The following DLGAP3 variants were observed in gnomAD, a reference collection of about 807,000 sequenced individuals.
DLGAP3 encodes disks large-associated protein 3.
A neutral mutation model predicts 81.2 loss-of-function variants in DLGAP3; 17 were observed. The ratio of observed to expected loss-of-function variants is 0.21; its 90% CI spans 0.14 to 0.31. The LOEUF (loss-of-function observed/expected upper bound fraction) is 0.31. Ranked by LOEUF, DLGAP3 falls within the 10% of genes least tolerant of loss-of-function variation. DLGAP3 has a pLI of 1.00. For missense variants in DLGAP3, 1,124 were observed against 1,388.0 expected, an observed-to-expected ratio of 0.81 and a Z score of 3.02; for synonymous variants, 577 against 587.4, an observed-to-expected ratio of 0.98 and a Z score of 0.26.
chr1:34,878,663 C>A (rs1177701807), intron 8 of DLGAP3, among the ~76,000 whole-genome samples: 1 of 152,114 alleles, frequency 6.6e-6, no homozygotes, highest in African/African-American at 2.4e-5. Flanking sequence ...ACTGATAGAT[C>A]AAATGTACAA....
Position 34,867,893 on chromosome 1 carries a change from C to T in DLGAP3, c.2486-266G>A, listed in dbSNP as rs1638910596. 6.6e-6 allele frequency among the ~76,000 whole-genome samples: 1 copy of T among 152,156 alleles called. No homozygotes were observed. Among genetic ancestry groups the T allele is most frequent in the African/African-American group, 2.4e-5 (1 of 41,414 alleles). The stretch of plus-strand genomic sequence containing the variant: ...CATCCTTCTTTATCCTTTCTCCCTC[C>T]CGTATCAGAGAACAGACGGAAACCA... On this transcript the variant is annotated intron_variant, in intron 9 of 11. Transcript: ENST00000373347. The surrounding 1 kb of genome is among the most constrained non-coding windows in gnomAD (Gnocchi z 4.3).
Position 34,920,568 on chromosome 1 carries a change from C to T in DLGAP3, c.-135+8883G>A, listed in dbSNP as rs188789189. Among the ~76,000 whole-genome samples the T allele has an allele frequency of 4.0e-3, 616 of 152,302 alleles. 1 individual carries two copies. Among genetic ancestry groups the T allele is most frequent in the Middle Eastern group, 0.01 (3 of 294 alleles). The stretch of plus-strand genomic sequence containing the variant: ...ATGCATGTGTTTGTACATTGTGTCT[C>T]TTTTTCTCCACTCCCACTGCTGGTG... On this transcript the variant is annotated intron_variant, in intron 1 of 11. Coordinates refer to ENST00000373347, the MANE Select transcript of DLGAP3 (RefSeq NM_001080418.3).
At chr1:34,901,590 A>T (rs1639460920) in intron 3 of DLGAP3, among the ~76,000 whole-genome samples, 1 of 152,236 alleles carries the variant, frequency 6.6e-6, no homozygotes, top group Non-Finnish European at 1.5e-5. Flanking sequence ...GGTTGGTGGC[A>T]AAGATAAATG....
chr1:34,865,926 A>G lies in DLGAP3; in HGVS notation c.*157T>C. 1.4e-6 allele frequency: 1 copy of G among 739,468 alleles called. No individual in the cohort carries two copies. Among genetic ancestry groups the G allele is most frequent in the Admixed American group, 2.2e-5 (1 of 44,992 alleles). 45.8% of individuals were successfully genotyped at this position (739,468 alleles called of 1,614,324 possible). On this transcript the variant is annotated 3_prime_UTR_variant, in exon 12 of 12. Coordinates refer to ENST00000373347, the MANE Select transcript of DLGAP3 (RefSeq NM_001080418.3). ...GCCTTCGCGTGGGATCAGGAAGGTA[A>G]AAAACCCACGAGAGTGTGACGGGCC...
chr1:34,919,574 T>C (rs1039531113), intron 1 of DLGAP3, among the ~76,000 whole-genome samples: 5 of 151,880 alleles, frequency 3.3e-5, no homozygotes, highest in African/African-American at 1.2e-4. Flanking sequence ...AGGTCAGGAG[T>C]TCGAGACCAG....
chr1:34,878,912 T>C (rs954459774), intron 8 of DLGAP3, among the ~76,000 whole-genome samples: 8 of 151,456 alleles, frequency 5.3e-5, no homozygotes, highest in Admixed American at 1.3e-4. Context: ...CTACTAAAAA[T>C]ACAAAAAAAA....
intron 1 of DLGAP3, among the ~76,000 whole-genome samples, chr1:34,911,023 C>CA (rs957247676): frequency 5.3e-4 from 4 of 7,612 alleles, no homozygotes; most frequent in Admixed American, 1.7e-3. Flanking sequence ...ATATTATCCA[C>CA]CCCCCCCCCA....
At position 34,902,165 on chromosome 1, in the gene DLGAP3, G is replaced by C. The variant is rs113268364; in HGVS notation, c.1108-1892C>G. ...AAGTGAAGACGTGGGGGAGAGGACT[G>C]GGGGAGGTAGGGAGGATTTAAAACA... On this transcript the variant is annotated intron_variant, in intron 3 of 11. Transcript: ENST00000373347. The surrounding 1 kb of genome is among the most constrained non-coding windows in gnomAD (Gnocchi z 4.4). 0.013 allele frequency among the ~76,000 whole-genome samples: 2,008 copies of C among 152,126 alleles called. 29 individuals carry two copies. Among genetic ancestry groups the C allele is most frequent in the Non-Finnish European group, 0.017 (1,163 of 67,982 alleles).
At chr1:34,893,491 G>C (rs985645935) in intron 5 of DLGAP3, among the ~76,000 whole-genome samples, 2 of 152,130 alleles carry the variant, frequency 1.3e-5, no homozygotes, top group Admixed American at 6.5e-5. Context: ...GTAAATACAA[G>C]AGCCTCTATA....
At chr1:34,908,039 T>C (rs1310151044) in intron 1 of DLGAP3, among the ~76,000 whole-genome samples, 2 of 152,262 alleles carry the variant, frequency 1.3e-5, no homozygotes, top group African/African-American at 4.8e-5. Context: ...ATCGGGCTTT[T>C]ATAACACCCT....
At chr1:34,883,121 A>G (rs1639169397) in intron 8 of DLGAP3, among the ~76,000 whole-genome samples, 1 of 152,074 alleles carries the variant, frequency 6.6e-6, no homozygotes, top group Non-Finnish European at 1.5e-5. Context: ...ACTACCTATT[A>G]TATCATAATG....
intron 8 of DLGAP3, among the ~76,000 whole-genome samples, chr1:34,883,001 A>G (rs1371277416): frequency 3.9e-5 from 6 of 152,184 alleles, no homozygotes; most frequent in Non-Finnish European, 8.8e-5. Context: ...TTCTTAGTCA[A>G]TCCTCAAGTC....
In DLGAP3 at chr1:34,866,345, CCAA is replaced by C. The variant is rs1006984558; in HGVS notation, c.2722-47_2722-45del. ...CGCTGAGCTGGGGCGCCGAACCATC[CCAA>C]CACCCAGGTGTCCGCCCCCGCACCC... On this transcript the variant is annotated intron_variant, in intron 11 of 11. Coordinates refer to ENST00000373347, the MANE Select transcript of DLGAP3 (RefSeq NM_001080418.3). The C allele has an allele frequency of 1.2e-5, 17 of 1,441,878 alleles. No individual in the cohort carries two copies. In the Admixed American group the frequency reaches 3.0e-4, roughly 26 times the overall value. The allele number at this position is 1,441,878 out of a possible 1,614,324, so 89.3% of individuals were successfully genotyped here. A position where few individuals can be genotyped will look rare whatever the true frequency, so the allele number is the denominator to read the frequency against.
chr1:34,928,731 G>GCACACA (rs147710532), intron 1 of DLGAP3, among the ~76,000 whole-genome samples: 16 of 149,000 alleles, frequency 1.1e-4, no homozygotes, highest in African/African-American at 3.7e-4. Flanking sequence ...GCGCGCACAC[G>GCACACA]CACACACACA....
At chr1:34,899,503 C>G (rs1235657973) in intron 5 of DLGAP3, among the ~76,000 whole-genome samples, 166 bp downstream of exon 5, 1 of 152,208 alleles carries the variant, frequency 6.6e-6, no homozygotes, top group Non-Finnish European at 1.5e-5. Flanking sequence ...TCTGAGACTC[C>G]CAGCCTGAGT....
At chr1:34,876,552 A>G (rs1639062041) in intron 8 of DLGAP3, among the ~76,000 whole-genome samples, 1 of 152,062 alleles carries the variant, frequency 6.6e-6, no homozygotes, top group South Asian at 2.1e-4. Flanking sequence ...GTGTGTGAGG[A>G]GTCAGACTTA....
At position 34,902,122 on chromosome 1, in the gene DLGAP3, C is replaced by T. The variant is rs1245229178; in HGVS notation, c.1108-1849G>A. Among the ~76,000 whole-genome samples the T allele has an allele frequency of 6.6e-6, 1 of 151,538 alleles. No individual in the cohort carries two copies. ...AGGGAGTCCGTGATGTCAGCCTACA[C>T]TTCGGAAAATGAGGTGTAAGTGAAG... On this transcript the variant is annotated intron_variant, in intron 3 of 11. Coordinates refer to ENST00000373347, the MANE Select transcript of DLGAP3 (RefSeq NM_001080418.3). The surrounding 1 kb of genome is among the most constrained non-coding windows in gnomAD (Gnocchi z 4.4).
chr1:34,914,500 A>G (rs1344255933), intron 1 of DLGAP3, among the ~76,000 whole-genome samples: 2 of 152,170 alleles, frequency 1.3e-5, no homozygotes, highest in African/African-American at 4.8e-5. Context: ...GCAGCTGGTG[A>G]GCAACTGTGG....
chr1:34,895,009 T>A lies in DLGAP3; in HGVS notation c.1386+4660A>T. Among the ~76,000 whole-genome samples the A allele has an allele frequency of 6.6e-6, 1 of 152,258 alleles. No homozygotes were observed. The highest frequency in any genetic ancestry group is 1.9e-4 in the East Asian group (1 of 5,186). ...CATTATTCCATATTGTATTCATAAG[T>A]CATAACATTACTTTATACCCCATAA... On this transcript the variant is annotated intron_variant, in intron 5 of 11. Coordinates refer to ENST00000373347, the MANE Select transcript of DLGAP3 (RefSeq NM_001080418.3). The surrounding 1 kb of genome is among the most constrained non-coding windows in gnomAD (Gnocchi z 4.5).
Sources: gnomAD v4.1 joint callset for allele counts (sites outside exome capture counted in the v4.1 genomes callset) on GRCh38, gnomAD v4.1.1 for gene constraint, Gnocchi (gnomAD v3.1) non-coding constraint, MANE v1.5 for transcripts, NCBI Gene and HGNC (gene_info 2026-07-23, HGNC 2026-07-21) for gene names.